Variants in GRB14 observed in about 807,000 individuals in gnomAD.
The protein encoded by GRB14 is growth factor receptor bound protein 14.
In GRB14, 38 loss-of-function variants were observed where a neutral mutation model predicts 69.1. That is an observed-to-expected ratio of 0.55 (90% CI 0.42 to 0.72). GRB14 has a LOEUF of 0.72. Ranked by LOEUF, GRB14 falls within the 30% of genes least tolerant of loss-of-function variation. GRB14 has a pLI of 0.00. For synonymous variants in GRB14, 247 were observed against 241.3 expected, an observed-to-expected ratio of 1.02 and a Z score of -0.22; for missense variants, 666 against 666.1, an observed-to-expected ratio of 1.00 and a Z score of 0.00.
At chr2:164,558,099 A>C (rs1688725149) in intron 2 of GRB14, among the ~76,000 whole-genome samples, 1 of 152,160 alleles carries the variant, frequency 6.6e-6, no homozygotes, top group Non-Finnish European at 1.5e-5. Context: ...AAAAGCCTGC[A>C]GGCAAGAAGA....
intron 6 of GRB14, among the ~76,000 whole-genome samples, chr2:164,515,287 T>C (rs146706135): frequency 1.9e-3 from 288 of 152,202 alleles, no homozygotes; most frequent in African/African-American, 6.5e-3. Context: ...AAACTACAAC[T>C]AAGGACCCTC....
intron 2 of GRB14, among the ~76,000 whole-genome samples, chr2:164,607,356 G>A (rs535210891): frequency 6.6e-6 from 1 of 152,200 alleles, no homozygotes; most frequent in Admixed American, 6.5e-5. Context: ...ACATGCTAGA[G>A]ATTGAATAAA....
At chr2:164,543,669 T>C (rs914165908) in intron 3 of GRB14, among the ~76,000 whole-genome samples, 1 of 152,148 alleles carries the variant, frequency 6.6e-6, no homozygotes, top group Non-Finnish European at 1.5e-5. Flanking sequence ...GTTTATTCTG[T>C]TAACAAAGAG....
chr2:164,531,729 G>C (rs1687943801), intron 3 of GRB14, among the ~76,000 whole-genome samples: 1 of 152,140 alleles, frequency 6.6e-6, no homozygotes, highest in Non-Finnish European at 1.5e-5. Flanking sequence ...TAACTGGATG[G>C]TGTAGGTCCC....
intron 3 of GRB14, among the ~76,000 whole-genome samples, chr2:164,538,076 G>A (rs1332173621): frequency 6.6e-6 from 1 of 151,496 alleles, no homozygotes; most frequent in Non-Finnish European, 1.5e-5. Flanking sequence ...ACTGTGCATC[G>A]CTTCTGTCTT....
At chr2:164,549,508 T>G (rs770611786) in intron 2 of GRB14, among the ~76,000 whole-genome samples, 2 of 152,192 alleles carry the variant, frequency 1.3e-5, no homozygotes, top group Non-Finnish European at 2.9e-5. Flanking sequence ...TAAAGGTCAT[T>G]CAATAACTAT....
At chr2:164,549,051 A>ATT (rs36035232) in intron 2 of GRB14, among the ~76,000 whole-genome samples, 41 of 150,610 alleles carry the variant, frequency 2.7e-4, no homozygotes, top group Non-Finnish European at 5.5e-4. Context: ...CTAATTTTGT[A>ATT]TTTTTTTTTA....
At chr2:164,545,403 G>A (rs553881784) in intron 3 of GRB14, among the ~76,000 whole-genome samples, 24 of 152,156 alleles carry the variant, frequency 1.6e-4, no homozygotes, top group South Asian at 1.0e-3. Context: ...AAATGTTACC[G>A]CTTTTATAAG....
chr2:164,597,483 T>C (rs966936905), intron 2 of GRB14, among the ~76,000 whole-genome samples: 1 of 152,204 alleles, frequency 6.6e-6, no homozygotes, highest in Non-Finnish European at 1.5e-5. Context: ...TTGTCTTATT[T>C]ATACAAGCAA....
intron 2 of GRB14, among the ~76,000 whole-genome samples, chr2:164,594,193 G>A (rs979765059): frequency 5.3e-5 from 8 of 151,804 alleles, no homozygotes; most frequent in Non-Finnish European, 1.0e-4. Flanking sequence ...CACAGTAGAT[G>A]AATATTGATG....
chr2:164,573,840 A>T, intron 2 of GRB14: 2 of 1,612,904 alleles, frequency 1.2e-6, no homozygotes, highest in Non-Finnish European at 1.7e-6. Context: ...GAAGAAGCTG[A>T]AAGGTGGATT....
chr2:164,589,551 G>T (rs1430437566), intron 2 of GRB14, among the ~76,000 whole-genome samples: 1 of 152,146 alleles, frequency 6.6e-6, no homozygotes, highest in Non-Finnish European at 1.5e-5. Flanking sequence ...AAGCAAGAGA[G>T]AGAAAGGAGG....
In GRB14 at chr2:164,544,397, C is replaced by G. The variant is rs555975967; in HGVS notation, c.481+3263G>C. ...ATTTGTTAGAGATAAATGGTAGTGA[C>G]TATAACAAAAAAAAATTTAAGTCCC... On this transcript the variant is annotated intron_variant, in intron 3 of 13. Transcript: ENST00000263915. Among the ~76,000 whole-genome samples the G allele has an allele frequency of 2.1e-3, 315 of 151,622 alleles. 3 individuals carry two copies. Among genetic ancestry groups the G allele is most frequent in the Non-Finnish European group, 6.6e-4 (45 of 67,888 alleles).
intron 2 of GRB14, among the ~76,000 whole-genome samples, chr2:164,561,077 A>G (rs1220276020): frequency 3.9e-5 from 6 of 152,250 alleles, no homozygotes; most frequent in African/African-American, 1.4e-4. Context: ...CAGTAGTCTG[A>G]GACCGTTCAT....
rs758618539 is a variant in GRB14, at chr2:164,502,317, G to A, written c.1042C>T (p.Gln348Ter). ...RLLKYGMQLY[Q>*]NYMHPYQGRS... The stretch of plus-strand genomic sequence containing the variant: ...CCTTGATATGGATGCATATAATTCT[G>A]GTACAGCTGCATGCCATACTGCAGA... Residue 348 changes from glutamine (Q) to a stop codon, truncating the protein, a stop_gained, in exon 9 of 14, where the codon CAG becomes TAG. Coordinates refer to ENST00000263915, the MANE Select transcript of GRB14 (RefSeq NM_004490.3). LOFTEE classifies it high-confidence loss of function. The A allele has an allele frequency of 2.5e-6, 4 of 1,590,444 alleles. No homozygotes were observed. Among genetic ancestry groups the A allele is most frequent in the Non-Finnish European group, 2.6e-6 (3 of 1,159,296 alleles).
intron 2 of GRB14, among the ~76,000 whole-genome samples, chr2:164,616,004 T>C (rs1187335314): frequency 6.6e-6 from 1 of 152,228 alleles, no homozygotes; most frequent in East Asian, 1.9e-4. Context: ...TCACTTTTAA[T>C]ATAAGTAACT....
Position 164,544,003 on chromosome 2 carries a change from T to C in GRB14, c.481+3657A>G, listed in dbSNP as rs1688302408. 2.0e-5 allele frequency among the ~76,000 whole-genome samples: 3 copies of C among 152,292 alleles called. 1 individual carries two copies. The South Asian group carries it at 6.2e-4, about 32-fold the overall frequency. On this transcript the variant is annotated intron_variant, in intron 3 of 13. Coordinates refer to ENST00000263915, the MANE Select transcript of GRB14 (RefSeq NM_004490.3). ...CATTAATGTTTTCAATTGTTCTGTT[T>C]AAACATATAATCTGAGTGAAAAACC...
chr2:164,551,419 T>A (rs1480949294), intron 2 of GRB14, among the ~76,000 whole-genome samples: 1 of 152,156 alleles, frequency 6.6e-6, no homozygotes, highest in Non-Finnish European at 1.5e-5. Context: ...ATAGACTGAA[T>A]GTTTGTACCC....
At chr2:164,506,196 A>G (rs962132087) in intron 8 of GRB14, among the ~76,000 whole-genome samples, 17 of 152,198 alleles carry the variant, frequency 1.1e-4, no homozygotes, top group African/African-American at 3.9e-4. Flanking sequence ...CTTATTCAGA[A>G]TCCTTAAGGA....
Sources: gnomAD v4.1 joint callset for allele counts (sites outside exome capture counted in the v4.1 genomes callset) on GRCh38, gnomAD v4.1.1 for gene constraint, MANE v1.5 for transcripts, NCBI Gene and HGNC (gene_info 2026-07-23, HGNC 2026-07-21) for gene names.